MAOB: variants seen among roughly 807,000 people sequenced by gnomAD.
MAOB encodes the protein amine oxidase [flavin-containing] B.
MAOB carries 15 observed loss-of-function variants against 41.9 expected under a neutral mutation model. The observed-to-expected ratio is 0.36, with a 90% CI of 0.24 to 0.55. The LOEUF (loss-of-function observed/expected upper bound fraction) is 0.55. Among genes scored for constraint, MAOB ranks in the 20% least tolerant of loss-of-function variants. The pLI is 0.86. For missense variants in MAOB, 345 were observed against 398.7 expected (o/e 0.87, Z 1.15); for synonymous variants, 167 against 144.2 (o/e 1.16, Z -1.13).
chrX:43,861,901 T>C (rs2035334759), intron 1 of MAOB, among the ~76,000 whole-genome samples: 1 of 110,042 alleles, frequency 9.1e-6, no homozygotes, highest in Admixed American at 9.8e-5. Context: ...TTTTAAGTAC[T>C]TTGAACAAAC....
In MAOB at chrX:43,777,201, A is replaced by G. The variant is rs59860052; in HGVS notation, c.1137+1481T>C. Among the ~76,000 whole-genome samples the G allele has an allele frequency of 7.9e-3, 880 of 111,781 alleles. 11 individuals are homozygous for G. The highest frequency in any genetic ancestry group is 0.028 in the African/African-American group (851 of 30,700). ...TGACCCAGCAATCCCATTACTGGGT[A>G]TATACCCAAAGGATTATAAATCATG... On this transcript the variant is annotated intron_variant, in intron 11 of 14. Transcript: ENST00000378069.
chrX:43,859,035 G>A (rs1298234533), intron 1 of MAOB, among the ~76,000 whole-genome samples: 2 of 111,350 alleles, frequency 1.8e-5, no homozygotes, highest in Admixed American at 9.6e-5. Flanking sequence ...ATCTCAGTGA[G>A]ACGCCCTGAA....
At chrX:43,869,847 A>G (rs1276246732) in intron 1 of MAOB, among the ~76,000 whole-genome samples, 2 of 111,488 alleles carry the variant, frequency 1.8e-5, no homozygotes, top group Non-Finnish European at 3.8e-5. Flanking sequence ...ATGATTTCCT[A>G]TCTTTCTAGT....
chrX:43,767,302 G>A lies in MAOB; in HGVS notation c.*164C>T. ...GGGACACTAAGCAGGGGCCACAACG[G>A]AGAAAGAGATACCATGTATTTTACA... On this transcript the variant is annotated 3_prime_UTR_variant, in exon 15 of 15. Transcript: ENST00000378069. The A allele has an allele frequency of 6.1e-6, 3 of 491,886 alleles. No individual in the cohort carries two copies. The highest frequency in any genetic ancestry group is 9.7e-6 in the Non-Finnish European group (3 of 309,362). 40.5% of individuals were successfully genotyped at this position (491,886 alleles called of 1,213,427 possible). A position where few individuals can be genotyped will look rare whatever the true frequency, so the allele number is the denominator to read the frequency against.
At chrX:43,849,095 G>T (rs2035231374) in intron 1 of MAOB, among the ~76,000 whole-genome samples, 1 of 112,003 alleles carries the variant, frequency 8.9e-6, no homozygotes, top group African/African-American at 3.2e-5. Flanking sequence ...GTTAATTGTT[G>T]AACTTTTCAA....
chrX:43,880,712 G>A (rs1211501203), intron 1 of MAOB, among the ~76,000 whole-genome samples: 2 of 112,431 alleles, frequency 1.8e-5, no homozygotes, highest in African/African-American at 6.5e-5. Flanking sequence ...TTTTCCAGAT[G>A]AGTCTAACAT....
At chrX:43,840,350 C>G (rs1344256941) in intron 2 of MAOB, among the ~76,000 whole-genome samples, 10 of 111,557 alleles carry the variant, frequency 9.0e-5, no homozygotes, top group Non-Finnish European at 1.9e-4. Flanking sequence ...TCATTGTCCC[C>G]CTGAGAGACT....
At chrX:43,786,001 G>T (rs1269820182) in intron 8 of MAOB, among the ~76,000 whole-genome samples, 1 of 111,521 alleles carries the variant, frequency 9.0e-6, no homozygotes. Context: ...ACACGCTGTT[G>T]GAAAAATGAT....
At chrX:43,775,134 G>A in intron 12 of MAOB, 41 bp downstream of exon 12, 1 of 1,112,147 alleles carries the variant, frequency 9.0e-7, no homozygotes. Context: ...GGATTCAGGT[G>A]CAGGGGATTT....
chrX:43,818,260 C>T (rs2034842381), intron 3 of MAOB, among the ~76,000 whole-genome samples: 1 of 112,190 alleles, frequency 8.9e-6, no homozygotes, highest in South Asian at 3.7e-4. Context: ...TTTGTTTATC[C>T]ATTCATCTGT....
chrX:43,798,159 T>A, intron 5 of MAOB, among the ~76,000 whole-genome samples: 1 of 111,985 alleles, frequency 8.9e-6, no homozygotes, highest in African/African-American at 3.3e-5. Context: ...GTCTTGATTA[T>A]TGGTTAATTC....
At chrX:43,851,255 G>A (rs1445273930) in intron 1 of MAOB, among the ~76,000 whole-genome samples, 1 of 111,952 alleles carries the variant, frequency 8.9e-6, no homozygotes, top group Non-Finnish European at 1.9e-5. Flanking sequence ...ATTAGAGGAA[G>A]TGTGTATGCA....
intron 3 of MAOB, among the ~76,000 whole-genome samples, chrX:43,822,106 T>G (rs2034889336): frequency 8.9e-6 from 1 of 112,319 alleles, no homozygotes; most frequent in South Asian, 3.7e-4. Context: ...TCTTCTCCAT[T>G]GAATAACTCA....
At chrX:43,816,332 G>T (rs2034814215) in intron 3 of MAOB, among the ~76,000 whole-genome samples, 2 of 111,549 alleles carry the variant, frequency 1.8e-5, no homozygotes, top group Non-Finnish European at 3.8e-5. Flanking sequence ...CCTGTTTTCT[G>T]TATGTATGCT....
intron 1 of MAOB, among the ~76,000 whole-genome samples, chrX:43,855,859 T>C (rs2035283642): frequency 9.0e-6 from 1 of 111,112 alleles, no homozygotes; most frequent in African/African-American, 3.3e-5. Context: ...CACAAGCAGA[T>C]GGCCTCTGTC....
intron 3 of MAOB, among the ~76,000 whole-genome samples, chrX:43,828,031 T>G (rs369395745): frequency 1.8e-5 from 2 of 111,308 alleles, no homozygotes; most frequent in East Asian, 5.7e-4. Flanking sequence ...CCTGGCCTCA[T>G]CAAGAAAAGT....
chrX:43,880,323 G>A (rs763457607), intron 1 of MAOB, among the ~76,000 whole-genome samples: 7 of 111,855 alleles, frequency 6.3e-5, no homozygotes, highest in South Asian at 7.5e-4. Flanking sequence ...CAAGTCTTCC[G>A]GGGCAAGAAC....
At chrX:43,861,147 G>A (rs2035329637) in intron 1 of MAOB, among the ~76,000 whole-genome samples, 1 of 112,400 alleles carries the variant, frequency 8.9e-6, no homozygotes, top group African/African-American at 3.2e-5. Context: ...GAGATCTTGC[G>A]TGTGTTATTT....
chrX:43,773,918 A>G (rs759435632), intron 12 of MAOB, among the ~76,000 whole-genome samples: 2 of 112,050 alleles, frequency 1.8e-5, no homozygotes, highest in African/African-American at 3.2e-5. Context: ...GTGAAAATAG[A>G]GTAACACAGT....
Sources: allele counts gnomAD v4.1 joint callset (sites outside exome capture counted in the v4.1 genomes callset), GRCh38; gene constraint gnomAD v4.1.1; transcripts MANE v1.5; gene names NCBI Gene and HGNC (gene_info 2026-07-23, HGNC 2026-07-21).